ZMYM2: variants seen among roughly 807,000 people sequenced by gnomAD.
ZMYM2 encodes the protein zinc finger MYM-type protein 2.
Under a neutral mutation model 162.8 loss-of-function variants are expected in ZMYM2, and 56 were observed. That is an observed-to-expected ratio of 0.34 (90% CI 0.28 to 0.43). The LOEUF (loss-of-function observed/expected upper bound fraction) is 0.43, where lower values mean the gene tolerates loss of function less well. Among genes scored for constraint, ZMYM2 ranks in the 20% least tolerant of loss-of-function variants. ZMYM2 has a pLI of 1.00. For missense variants in ZMYM2, 1,275 were observed against 1,621.8 expected, an observed-to-expected ratio of 0.79 and a Z score of 3.67; for synonymous variants, 510 against 541.6, an observed-to-expected ratio of 0.94 and a Z score of 0.81.
Position 20,088,929 on chromosome 13 carries a change from T to TG in ZMYM2, c.*2916dup. ...ATTTAATCTGAGATCTTAAATATCTTGCAGCCTTAAATCACTACAAACATT... is the reference window on the plus strand; with the variant it reads ...ATTTAATCTGAGATCTTAAATATCTTGGCAGCCTTAAATCACTACAAACATT... On this transcript the variant is annotated 3_prime_UTR_variant, in exon 25 of 25. Transcript: ENST00000610343. 1 of 197,986 alleles carries TG rather than the reference T, an allele frequency of 5.1e-6. No homozygotes were observed. Among genetic ancestry groups the TG allele is most frequent in the East Asian group, 7.9e-5 (1 of 12,708 alleles). 12.3% of individuals were successfully genotyped at this position (197,986 alleles called of 1,614,324 possible).
At chr13:19,929,119 C>A in the ZMYM2 span, among the ~76,000 whole-genome samples, 2 of 152,172 alleles carry the variant, frequency 1.3e-5, no homozygotes, top group Admixed American at 6.5e-5. Context: ...CCTTTAGATT[C>A]TTCTAGGTAT....
intron 6 of ZMYM2, among the ~76,000 whole-genome samples, chr13:20,007,216 A>G (rs994653446): frequency 6.6e-6 from 1 of 151,694 alleles, no homozygotes; most frequent in Admixed American, 6.6e-5. Context: ...GCTCACTGCA[A>G]CCTCCGCCTC....
intron 2 of ZMYM2, among the ~76,000 whole-genome samples, chr13:19,979,809 C>T (rs1055005873): frequency 6.6e-6 from 1 of 152,124 alleles, no homozygotes; most frequent in African/African-American, 2.4e-5. Flanking sequence ...TGATCACCAG[C>T]GTCTCCCTGG....
Position 20,039,686 on chromosome 13 carries a change from C to G in ZMYM2, c.2292+2777C>G, listed in dbSNP as rs1021638541. Among the ~76,000 whole-genome samples, 5 of 152,116 alleles carry G rather than the reference C, an allele frequency of 3.3e-5. 1 individual carries two copies. Among genetic ancestry groups the G allele is most frequent in the Admixed American group, 2.6e-4 (4 of 15,280 alleles). ...AGAGATGGGATTTCACCATGTTAGCCAGGATGGTCTCGATTCCCTGATCTT... is the reference window on the plus strand; with the variant it reads ...AGAGATGGGATTTCACCATGTTAGCGAGGATGGTCTCGATTCCCTGATCTT... On this transcript the variant is annotated intron_variant, in intron 12 of 24. Coordinates refer to ENST00000610343, the MANE Select transcript of ZMYM2 (RefSeq NM_197968.4).
At chr13:19,895,265 A>G in the ZMYM2 span, among the ~76,000 whole-genome samples, 1 of 151,816 alleles carries the variant, frequency 6.6e-6, no homozygotes, top group African/African-American at 2.4e-5. Context: ...CAAAAATTAC[A>G]AATAAAATTA....
the ZMYM2 span, among the ~76,000 whole-genome samples, chr13:19,922,414 T>C: frequency 6.6e-6 from 1 of 152,216 alleles, no homozygotes; most frequent in African/African-American, 2.4e-5. Context: ...AGCAAGCAGT[T>C]TCAAAAGACG....
upstream of ZMYM2, among the ~76,000 whole-genome samples, chr13:19,958,133 C>A (rs1954685115): frequency 6.6e-6 from 1 of 151,594 alleles, no homozygotes; most frequent in Non-Finnish European, 1.5e-5. Context: ...GCCTCCACTG[C>A]CCCCAGCGCG....
intron 10 of ZMYM2, 39 bp from the exon 11 acceptor site, chr13:20,034,215 G>GAGGTGA: frequency 3.4e-6 from 1 of 294,280 alleles, no homozygotes; most frequent in Admixed American, 1.4e-4. Flanking sequence ...TCTTAAGCTT[G>GAGGTGA]TCGTCATATA....
At position 19,993,525 on chromosome 13, in the gene ZMYM2, T is replaced by C. The variant is rs759800786; in HGVS notation, c.453T>C (p.Asn151=). The change falls in exon 3 of 25, where the codon AAT becomes AAC. Residue 151 remains asparagine, a synonymous_variant. Transcript: ENST00000610343. ...CTCCTGAGACTAAAAACAGAACCAATGATGTGGATTTCTCCACTTCCAGTT... is the reference window on the plus strand; with the variant it reads ...CTCCTGAGACTAAAAACAGAACCAACGATGTGGATTTCTCCACTTCCAGTT... ...RRPPETKNRT[N]DVDFSTSSFS... The C allele has an allele frequency of 6.2e-7, 1 of 1,613,950 alleles. No homozygotes were observed. The highest frequency in any genetic ancestry group is 1.7e-5 in the Admixed American group (1 of 59,984).
chr13:19,943,796 T>A, the ZMYM2 span, among the ~76,000 whole-genome samples: 1 of 152,164 alleles, frequency 6.6e-6, no homozygotes, highest in African/African-American at 2.4e-5. Context: ...TGTGCCCAAG[T>A]GTGAAATTTT....
rs77651638 is a variant in ZMYM2 at position 20,033,822 on chromosome 13, A to G, written c.1969-432A>G. ...ATACTTCATCCATGATACATCTGTT[A>G]CTATTAAGGTGTGTGGTAGGAATGT... is the stretch of plus-strand genomic sequence containing the variant. On this transcript the variant is annotated intron_variant, in intron 10 of 24. Transcript: ENST00000610343. Among the ~76,000 whole-genome samples, 320 of 152,308 alleles carry G rather than the reference A, an allele frequency of 2.1e-3. 2 individuals are homozygous for G. Among genetic ancestry groups the G allele is most frequent in the Non-Finnish European group, 3.5e-3 (238 of 68,038 alleles).
chr13:19,986,267 A>C (rs190953496), intron 2 of ZMYM2, among the ~76,000 whole-genome samples: 1 of 152,106 alleles, frequency 6.6e-6, no homozygotes, highest in Non-Finnish European at 1.5e-5. Flanking sequence ...TTAACCTAGC[A>C]CACACCTATA....
the ZMYM2 span, among the ~76,000 whole-genome samples, chr13:19,884,768 T>G: frequency 1.7e-4 from 26 of 152,162 alleles, no homozygotes; most frequent in African/African-American, 5.5e-4. Flanking sequence ...TTCAACATAG[T>G]GCCGACGCCC....
In ZMYM2 at chr13:20,059,048, C is replaced by T. The variant is rs886610056; in HGVS notation, c.2623+344C>T. ...TTTGTAATGGTAACAGTTCTGTTTC[C>T]TTCCTGTCAGAATGAGGTGAAATTG... On this transcript the variant is annotated intron_variant, in intron 15 of 24. Coordinates refer to ENST00000610343, the MANE Select transcript of ZMYM2 (RefSeq NM_197968.4). 7.4e-6 allele frequency: 3 copies of T among 405,400 alleles called. No individual in the cohort carries two copies. The Admixed American group carries it at 1.2e-4, about 16-fold the overall frequency. The allele number at this position is 405,400 out of a possible 1,614,324, so 25.1% of individuals were successfully genotyped here.
At chr13:19,962,654 A>C (rs1282876793) in intron 2 of ZMYM2, among the ~76,000 whole-genome samples, 1 of 146,292 alleles carries the variant, frequency 6.8e-6, no homozygotes, top group African/African-American at 2.5e-5. Context: ...CCTCCCAAGT[A>C]GTTGGGATTA....
intron 7 of ZMYM2, among the ~76,000 whole-genome samples, chr13:20,020,980 C>CT (rs370623313): frequency 0.092 from 13,208 of 143,552 alleles, 855 homozygotes; most frequent in Non-Finnish European, 0.14. Context: ...CTACTGTTTA[C>CT]TTTTTTTTTT....
chr13:19,937,750 T>C, the ZMYM2 span, among the ~76,000 whole-genome samples: 13 of 151,008 alleles, frequency 8.6e-5, no homozygotes, highest in Non-Finnish European at 1.6e-4. Flanking sequence ...AACTCGTCAT[T>C]TAGCATTAGG....
Position 20,026,745 on chromosome 13 carries a change from A to C in ZMYM2, c.1718A>C (p.Lys573Thr), listed in dbSNP as rs1482543366. Residue 573 changes from lysine to threonine, a missense_variant, in exon 8 of 25, where the codon AAA (lysine) becomes ACA (threonine). By Grantham distance (78) the Lys-to-Thr change is moderately conservative. Transcript: ENST00000610343. ...GCTTGTATGAACAGTCACAAGACAAAATATGCAAAATCACAAAGTAAGTTT... is the reference window on the plus strand; with the variant it reads ...GCTTGTATGAACAGTCACAAGACAACATATGCAAAATCACAAAGTAAGTTT... ...STACMNSHKT[K>T]YAKSQSLGII... 1.9e-6 allele frequency: 3 copies of C among 1,592,698 alleles called. No individual in the cohort carries two copies. Among genetic ancestry groups the C allele is most frequent in the Non-Finnish European group, 2.6e-6 (3 of 1,175,386 alleles).
At chr13:19,946,561 G>A in the ZMYM2 span, among the ~76,000 whole-genome samples, 5 of 152,190 alleles carry the variant, frequency 3.3e-5, no homozygotes, top group South Asian at 4.2e-4. Flanking sequence ...GCTCTCGATC[G>A]CACTTACTTT....
Sources: allele counts gnomAD v4.1 joint callset (sites outside exome capture counted in the v4.1 genomes callset), GRCh38; gene constraint gnomAD v4.1.1; transcripts MANE v1.5; gene names NCBI Gene and HGNC (gene_info 2026-07-23, HGNC 2026-07-21).